Variants in ITGA9 observed in about 807,000 individuals in gnomAD.
ITGA9 encodes integrin alpha-9.
ITGA9 carries 56 observed loss-of-function variants against 127.8 expected under a neutral mutation model. That is an observed-to-expected ratio of 0.44 (90% CI 0.35 to 0.55). ITGA9 has a LOEUF of 0.55. Among genes scored for constraint, ITGA9 ranks in the 20% least tolerant of loss-of-function variants. The pLI is 0.00. For missense variants in ITGA9, 1,196 were observed against 1,347.1 expected (o/e 0.89, Z 1.76); for synonymous variants, 508 against 514.5 (o/e 0.99, Z 0.17).
intron 4 of ITGA9, among the ~76,000 whole-genome samples, chr3:37,492,868 G>T (rs1263430430): frequency 6.6e-6 from 1 of 152,048 alleles, no homozygotes; most frequent in East Asian, 1.9e-4. Context: ...GATCCTTTTT[G>T]CCGTTGTGCT....
At chr3:37,795,910 T>C (rs1697167199) in intron 26 of ITGA9, among the ~76,000 whole-genome samples, 1 of 152,238 alleles carries the variant, frequency 6.6e-6, no homozygotes, top group African/African-American at 2.4e-5. Flanking sequence ...TAGATTCATT[T>C]TGCAGTGTAC....
chr3:37,755,323 C>G (rs1696637320), intron 23 of ITGA9, among the ~76,000 whole-genome samples: 1 of 152,152 alleles, frequency 6.6e-6, no homozygotes, highest in Admixed American at 6.5e-5. Flanking sequence ...TGCCCACTCC[C>G]TAATCACCAG....
At chr3:37,699,229 A>C (rs191582679) in intron 18 of ITGA9, among the ~76,000 whole-genome samples, 3 of 152,038 alleles carry the variant, frequency 2.0e-5, no homozygotes, top group Admixed American at 6.5e-5. Context: ...ACAACTCCCA[A>C]ATTTTCCCCT....
intron 26 of ITGA9, chr3:37,790,086 C>A: frequency 3.6e-6 from 2 of 554,312 alleles, no homozygotes; most frequent in South Asian, 2.8e-5. Context: ...TAAGAAGTGT[C>A]AGTGCTTCTA....
intron 23 of ITGA9, among the ~76,000 whole-genome samples, chr3:37,763,350 T>C (rs527276601): frequency 1.1e-3 from 167 of 152,336 alleles, no homozygotes; most frequent in African/African-American, 3.7e-3. Flanking sequence ...AATGAGAATT[T>C]CTTTGCCCAT....
chr3:37,568,793 C>G (rs1024610005), intron 15 of ITGA9, among the ~76,000 whole-genome samples: 1 of 152,204 alleles, frequency 6.6e-6, no homozygotes, highest in Admixed American at 6.5e-5. Flanking sequence ...TTTCGTTGTC[C>G]CTATTATTAT....
intron 5 of ITGA9, among the ~76,000 whole-genome samples, chr3:37,494,992 G>A (rs774529091): frequency 6.6e-6 from 1 of 152,110 alleles, no homozygotes; most frequent in African/African-American, 2.4e-5. Flanking sequence ...TTTGTTTTTC[G>A]AGACAGAGTC....
intron 15 of ITGA9, among the ~76,000 whole-genome samples, chr3:37,624,758 C>T (rs1167381933): frequency 6.6e-6 from 1 of 152,140 alleles, no homozygotes; most frequent in Non-Finnish European, 1.5e-5. Context: ...AGGCGTGCTC[C>T]ACCACGCCCG....
At chr3:37,462,545 A>G (rs759540895) in intron 1 of ITGA9, among the ~76,000 whole-genome samples, 1 of 152,190 alleles carries the variant, frequency 6.6e-6, no homozygotes, top group Non-Finnish European at 1.5e-5. Context: ...GCAAGTAAGT[A>G]AATTACAGAG....
intron 17 of ITGA9, among the ~76,000 whole-genome samples, chr3:37,670,439 T>C (rs1311563052): frequency 1.3e-5 from 2 of 152,234 alleles, no homozygotes; most frequent in African/African-American, 4.8e-5. Flanking sequence ...CTATGTCCTC[T>C]TGCTGATCTG....
At chr3:37,587,158 G>A (rs983662357) in intron 15 of ITGA9, among the ~76,000 whole-genome samples, 1 of 152,094 alleles carries the variant, frequency 6.6e-6, no homozygotes, top group African/African-American at 2.4e-5. Context: ...TAACATTCAA[G>A]CCTCAATTAA....
chr3:37,516,780 G>T (rs75388560), intron 9 of ITGA9, among the ~76,000 whole-genome samples: 5,774 of 152,282 alleles, frequency 0.038, 123 homozygotes, highest in Non-Finnish European at 0.05. Context: ...CAGGACATCA[G>T]ATTGCATTGT....
chr3:37,748,726 C>T (rs527339533), intron 22 of ITGA9: 34 of 556,836 alleles, frequency 6.1e-5, no homozygotes, highest in East Asian at 1.3e-4. Context: ...CCAGCCTGGG[C>T]GACAGAGCAA....
intron 15 of ITGA9, among the ~76,000 whole-genome samples, chr3:37,545,578 C>CT (rs779956675): frequency 6.6e-6 from 1 of 152,230 alleles, no homozygotes; most frequent in African/African-American, 2.4e-5. Context: ...AGGGCAGGTA[C>CT]TTTCTCACGG....
At chr3:37,636,643 C>A (rs536005362) in intron 16 of ITGA9, among the ~76,000 whole-genome samples, 7 of 152,148 alleles carry the variant, frequency 4.6e-5, no homozygotes, top group Non-Finnish European at 1.0e-4. Flanking sequence ...TTAATTAGAT[C>A]CCATTTATCA....
intron 15 of ITGA9, among the ~76,000 whole-genome samples, chr3:37,624,950 C>T (rs1700162940): frequency 6.6e-6 from 1 of 152,192 alleles, no homozygotes; most frequent in Non-Finnish European, 1.5e-5. Context: ...ATGCTACCCC[C>T]TTCCCAGCTC....
intron 18 of ITGA9, among the ~76,000 whole-genome samples, chr3:37,719,224 T>C (rs1390198335): frequency 6.6e-6 from 1 of 152,076 alleles, no homozygotes; most frequent in Non-Finnish European, 1.5e-5. Context: ...GGAAGGATCA[T>C]CCTAGAAGTG....
intron 18 of ITGA9, among the ~76,000 whole-genome samples, chr3:37,704,800 G>A (rs537206180): frequency 1.4e-4 from 22 of 152,300 alleles, no homozygotes; most frequent in South Asian, 8.3e-4. Context: ...GGAATCCTGC[G>A]ACATGTTCTA....
At chr3:37,582,467 C>T (rs1699718517) in intron 15 of ITGA9, among the ~76,000 whole-genome samples, 1 of 152,176 alleles carries the variant, frequency 6.6e-6, no homozygotes. Flanking sequence ...TTGTTTTCTG[C>T]TCTTACTCTT....
Sources: gnomAD v4.1 joint callset for allele counts (sites outside exome capture counted in the v4.1 genomes callset) on GRCh38, gnomAD v4.1.1 for gene constraint, MANE v1.5 for transcripts, NCBI Gene and HGNC (gene_info 2026-07-23, HGNC 2026-07-21) for gene names.